Variants in XKR4 observed in about 807,000 individuals in gnomAD.
The protein encoded by XKR4 is XK related 4, also known as XK-related protein 4.
A neutral mutation model predicts 53.9 loss-of-function variants in XKR4; 12 were observed. The observed-to-expected ratio is 0.22, with a 90% CI of 0.14 to 0.36. The LOEUF is 0.36. XKR4 is among the 10% of genes least tolerant of loss of function. The probability of loss-of-function intolerance (pLI) is 1.00; values close to 1 mark genes in which losing one functional copy is unlikely to be tolerated. For missense variants in XKR4, 799 were observed against 859.5 expected (o/e 0.93, Z 0.88); for synonymous variants, 354 against 362.4 (o/e 0.98, Z 0.26).
chr8:55,396,045 A>G (rs1804511454), intron 2 of XKR4, among the ~76,000 whole-genome samples: 1 of 152,244 alleles, frequency 6.6e-6, no homozygotes, highest in Non-Finnish European at 1.5e-5. Context: ...AAGGAGAGTC[A>G]TCCCATTCAT....
intron 1 of XKR4, among the ~76,000 whole-genome samples, chr8:55,113,833 CTTTCTG>C (rs1816267295): frequency 6.6e-6 from 1 of 152,086 alleles, no homozygotes; most frequent in African/African-American, 2.4e-5. Flanking sequence ...TGTTTTTTGA[CTTTCTG>C]TTTATGTCAT....
intron 2 of XKR4, among the ~76,000 whole-genome samples, chr8:55,508,519 C>T (rs967832640): frequency 6.6e-6 from 1 of 152,206 alleles, no homozygotes; most frequent in Non-Finnish European, 1.5e-5. Context: ...TTAAGTCACA[C>T]AGAGGAGAAG....
In XKR4 at chr8:55,289,641, GAAA is replaced by G. The variant is rs1183540573; in HGVS notation, c.807-68036_807-68034del. Among the ~76,000 whole-genome samples, 824 of 113,908 alleles carry G rather than the reference GAAA, an allele frequency of 7.2e-3. 19 individuals carry two copies. Among genetic ancestry groups the G allele is most frequent in the African/African-American group, 0.022 (630 of 28,028 alleles). The allele number at this position is 113,908 out of a possible 152,430, so 74.7% of individuals were successfully genotyped here. A position where few individuals can be genotyped will look rare whatever the true frequency, so the allele number is the denominator to read the frequency against. On this transcript the variant is annotated intron_variant, in intron 1 of 2. Coordinates refer to ENST00000327381, the MANE Select transcript of XKR4 (RefSeq NM_052898.2). ...AGAAAGAAAGAAAGAAAGAAAGAAA[GAAA>G]GAAAGGAAGGAAGGAAAAGAAAAGA...
chr8:55,427,651 T>C (rs1287250582), intron 2 of XKR4, among the ~76,000 whole-genome samples: 2 of 152,250 alleles, frequency 1.3e-5, no homozygotes, highest in Admixed American at 1.3e-4. Flanking sequence ...CTCTGTGTAA[T>C]TGTCCATATT....
At chr8:55,295,658 G>C (rs969600474) in intron 1 of XKR4, among the ~76,000 whole-genome samples, 3 of 152,212 alleles carry the variant, frequency 2.0e-5, no homozygotes, top group Non-Finnish European at 2.9e-5. Flanking sequence ...TTACTGATCT[G>C]ACCCTTTGCA....
chr8:55,211,459 T>C (rs1286444023), intron 1 of XKR4, among the ~76,000 whole-genome samples: 1 of 152,240 alleles, frequency 6.6e-6, no homozygotes, highest in Non-Finnish European at 1.5e-5. Flanking sequence ...TGTCCTACGT[T>C]AGGAAGGGAG....
intron 1 of XKR4, among the ~76,000 whole-genome samples, chr8:55,213,480 C>A (rs1230423334): frequency 6.6e-6 from 1 of 152,110 alleles, no homozygotes; most frequent in Non-Finnish European, 1.5e-5. Flanking sequence ...AGTGATGTAA[C>A]CTCTAGGAGC....
intron 2 of XKR4, among the ~76,000 whole-genome samples, chr8:55,363,392 G>A (rs143926173): frequency 1.6e-3 from 247 of 152,306 alleles, no homozygotes; most frequent in African/African-American, 5.1e-3. Flanking sequence ...GCTGGAAGGG[G>A]TTTCTAATTA....
At position 55,387,941 on chromosome 8, in the gene XKR4, G is replaced by A. The variant is rs531870776; in HGVS notation, c.1006+30064G>A. 3.3e-3 allele frequency among the ~76,000 whole-genome samples: 504 copies of A among 152,324 alleles called. 1 individual carries two copies. Among genetic ancestry groups the A allele is most frequent in the Non-Finnish European group, 6.0e-3 (410 of 68,014 alleles). ...AGCAGGTCGTGACTTAAGTGTCACT[G>A]TGTCTTATTGTTCTCACAGAGATTT... On this transcript the variant is annotated intron_variant, in intron 2 of 2. Transcript: ENST00000327381.
At chr8:55,411,348 T>A (rs1342282455) in intron 2 of XKR4, among the ~76,000 whole-genome samples, 1 of 152,184 alleles carries the variant, frequency 6.6e-6, no homozygotes, top group African/African-American at 2.4e-5. Context: ...TTGTATAGTG[T>A]GTAGCACAGA....
chr8:55,281,696 A>G (rs1250997989), intron 1 of XKR4, among the ~76,000 whole-genome samples: 1 of 152,162 alleles, frequency 6.6e-6, no homozygotes, highest in Admixed American at 6.5e-5. Context: ...TTTCATTGAA[A>G]TGCTTTAAGT....
At chr8:55,272,987 G>A (rs1818713727) in intron 1 of XKR4, 1 of 430,556 alleles carries the variant, frequency 2.3e-6, no homozygotes, top group South Asian at 1.7e-5. Flanking sequence ...CAACAAAAGT[G>A]TCTAGAATGC....
At chr8:55,181,500 C>T (rs1013061191) in intron 1 of XKR4, among the ~76,000 whole-genome samples, 23 of 152,062 alleles carry the variant, frequency 1.5e-4, no homozygotes, top group African/African-American at 5.6e-4. Flanking sequence ...AATATCTTAG[C>T]CAAGCTGAGG....
chr8:55,253,565 T>C (rs990957215), intron 1 of XKR4, among the ~76,000 whole-genome samples: 11 of 152,218 alleles, frequency 7.2e-5, no homozygotes, highest in African/African-American at 2.7e-4. Flanking sequence ...TTGTGTCTTG[T>C]TCCAAGATTC....
intron 2 of XKR4, among the ~76,000 whole-genome samples, chr8:55,501,076 T>C (rs1806429219): frequency 6.6e-6 from 1 of 152,180 alleles, no homozygotes; most frequent in East Asian, 1.9e-4. Flanking sequence ...TGTAATACTG[T>C]AGAGAATGCC....
At chr8:55,147,436 G>A (rs148929446) in intron 1 of XKR4, among the ~76,000 whole-genome samples, 2 of 152,292 alleles carry the variant, frequency 1.3e-5, no homozygotes, top group African/African-American at 4.8e-5. Context: ...CACTTAGGGA[G>A]GAGAGCTAAT....
At chr8:55,269,227 G>T (rs576364051) in intron 1 of XKR4, among the ~76,000 whole-genome samples, 2 of 151,774 alleles carry the variant, frequency 1.3e-5, no homozygotes, top group African/African-American at 4.8e-5. Context: ...GGGCATTAGG[G>T]CTTTTAGTCA....
intron 1 of XKR4, among the ~76,000 whole-genome samples, chr8:55,340,490 G>A (rs1207493616): frequency 6.6e-6 from 1 of 152,260 alleles, no homozygotes; most frequent in East Asian, 1.9e-4. Flanking sequence ...AGACTAAATA[G>A]CATATGAAGT....
chr8:55,368,934 T>C (rs931544895), intron 2 of XKR4, among the ~76,000 whole-genome samples: 2 of 152,250 alleles, frequency 1.3e-5, no homozygotes, highest in Non-Finnish European at 2.9e-5. Context: ...AATGCTGTAT[T>C]TGTAAAACTT....
Sources: gnomAD v4.1 joint callset for allele counts (sites outside exome capture counted in the v4.1 genomes callset) on GRCh38, gnomAD v4.1.1 for gene constraint, MANE v1.5 for transcripts, NCBI Gene and HGNC (gene_info 2026-07-23, HGNC 2026-07-21) for gene names.